Variants in XPR1 observed in about 807,000 individuals in gnomAD.
XPR1 encodes xenotropic and polytropic retrovirus receptor 1, also known as solute carrier family 53 member 1.
Under a neutral mutation model 87.5 loss-of-function variants are expected in XPR1, and 28 were observed. The observed-to-expected ratio is 0.32, with a 90% CI of 0.24 to 0.44. The LOEUF (loss-of-function observed/expected upper bound fraction) is 0.44. XPR1 is among the 20% of genes least tolerant of loss of function. The probability of loss-of-function intolerance (pLI) is 1.00; values close to 1 mark genes in which losing one functional copy is unlikely to be tolerated. For synonymous variants in XPR1, 300 were observed against 306.1 expected, an observed-to-expected ratio of 0.98 and a Z score of 0.21; for missense variants, 559 against 862.3, an observed-to-expected ratio of 0.65 and a Z score of 4.41.
intron 2 of XPR1, among the ~76,000 whole-genome samples, chr1:180,721,976 C>T (rs958702502): frequency 7.9e-5 from 12 of 151,926 alleles, no homozygotes; most frequent in Non-Finnish European, 8.8e-5. Flanking sequence ...AAAAGATGTA[C>T]GTAAGGCCAG....
At chr1:180,766,616 A>G (rs1415071929) in intron 2 of XPR1, among the ~76,000 whole-genome samples, 2 of 152,178 alleles carry the variant, frequency 1.3e-5, no homozygotes, top group Non-Finnish European at 2.9e-5. Flanking sequence ...CCTTTTGTGA[A>G]ATTGTAATTT....
At chr1:180,712,549 T>G (rs895469143) in intron 2 of XPR1, among the ~76,000 whole-genome samples, 2 of 152,218 alleles carry the variant, frequency 1.3e-5, no homozygotes, top group Admixed American at 6.5e-5. Context: ...GGCTCATGCC[T>G]GTAATCCCAG....
intron 11 of XPR1, among the ~76,000 whole-genome samples, chr1:180,854,333 C>G (rs1255102159): frequency 6.6e-6 from 1 of 152,200 alleles, no homozygotes; most frequent in African/African-American, 2.4e-5. Context: ...GGGGTTAGCT[C>G]CGCATACATA....
intron 11 of XPR1, among the ~76,000 whole-genome samples, chr1:180,856,806 C>T (rs1166868417): frequency 6.6e-6 from 1 of 152,192 alleles, no homozygotes; most frequent in African/African-American, 2.4e-5. Flanking sequence ...GGGCTGTTGC[C>T]ACAGCCATAT....
intron 1 of XPR1, among the ~76,000 whole-genome samples, chr1:180,680,429 G>A (rs571667590): frequency 9.2e-5 from 13 of 141,420 alleles, no homozygotes; most frequent in African/African-American, 3.4e-4. Context: ...GCAGTGGTGC[G>A]ATCTTGGGTC....
chr1:180,724,833 T>C (rs1658282763), intron 2 of XPR1, among the ~76,000 whole-genome samples: 2 of 152,200 alleles, frequency 1.3e-5, no homozygotes, highest in African/African-American at 4.8e-5. Flanking sequence ...TTAATATTAA[T>C]TTGTAAATAT....
chr1:180,860,649 G>C (rs1419735517), intron 11 of XPR1, among the ~76,000 whole-genome samples: 1 of 152,018 alleles, frequency 6.6e-6, no homozygotes, highest in Admixed American at 6.6e-5. Flanking sequence ...GTCTCAAAAA[G>C]GCAAAACTAC....
rs756156713 is a variant in XPR1, at chr1:180,806,133, A to G, written c.519A>G (p.Ala173=). ...AGATCCTGGAAACATCTCGTGGAGC[A>G]GATTGGCGAGTGGCTCACGTAGAGG... ...HDKILETSRG[A]DWRVAHVEVA... The change falls in exon 5 of 15, where the codon GCA becomes GCG. Residue 173 remains alanine, a synonymous_variant. Transcript: ENST00000367590. 3.1e-6 allele frequency: 5 copies of G among 1,613,958 alleles called. No individual in the cohort carries two copies. In the South Asian group the frequency reaches 5.5e-5, roughly 18 times the overall value.
chr1:180,859,777 T>C (rs1359414793), intron 11 of XPR1, among the ~76,000 whole-genome samples: 1 of 152,148 alleles, frequency 6.6e-6, no homozygotes, highest in South Asian at 2.1e-4. Flanking sequence ...AGAAATGATA[T>C]GGACTTCTAA....
chr1:180,756,494 T>G (rs1571803859), intron 2 of XPR1, among the ~76,000 whole-genome samples: 1 of 152,222 alleles, frequency 6.6e-6, no homozygotes, highest in East Asian at 1.9e-4. Context: ...AGTCTTTATA[T>G]TATTGCATTA....
In XPR1 at chr1:180,890,172, G is replaced by A. The variant is rs1653145183; in HGVS notation, c.*6106G>A. 3 of 152,148 alleles carry A rather than the reference G, an allele frequency of 2.0e-5. No individual in the cohort carries two copies. Among genetic ancestry groups the A allele is most frequent in the Non-Finnish European group, 4.4e-5 (3 of 68,016 alleles). 9.4% of individuals were successfully genotyped at this position (152,148 alleles called of 1,614,324 possible). ...TAAAGCAAAAAGTTAATGTGGTTAT[G>A]TGTTTTTAAAGAAAATAAGTGATTG... On this transcript the variant is annotated 3_prime_UTR_variant, in exon 15 of 15. Transcript: ENST00000367590.
At chr1:180,638,891 C>CT (rs1225436843) in intron 1 of XPR1, among the ~76,000 whole-genome samples, 1 of 152,066 alleles carries the variant, frequency 6.6e-6, no homozygotes, top group African/African-American at 2.4e-5. Flanking sequence ...ACTTTTGTAA[C>CT]TTAAGTTATA....
At chr1:180,813,967 G>T (rs1650315648) in intron 7 of XPR1, among the ~76,000 whole-genome samples, 1 of 152,030 alleles carries the variant, frequency 6.6e-6, no homozygotes, top group Admixed American at 6.5e-5. Flanking sequence ...TCATAATAAT[G>T]CCCAAATAAG....
At chr1:180,706,528 A>T (rs2101977450) in intron 2 of XPR1, among the ~76,000 whole-genome samples, 1 of 152,334 alleles carries the variant, frequency 6.6e-6, no homozygotes, top group Non-Finnish European at 1.5e-5. Context: ...TCATGTGAAA[A>T]TTCACATAAC....
At chr1:180,833,722 A>G (rs1651161870) in intron 9 of XPR1, among the ~76,000 whole-genome samples, 1 of 152,230 alleles carries the variant, frequency 6.6e-6, no homozygotes, top group East Asian at 1.9e-4. Context: ...TTCAACAGAA[A>G]GTACAAATAT....
intron 2 of XPR1, among the ~76,000 whole-genome samples, chr1:180,686,067 A>T (rs1255589687): frequency 6.6e-6 from 1 of 151,828 alleles, no homozygotes; most frequent in Non-Finnish European, 1.5e-5. Context: ...TAGTTCTTTT[A>T]ATCGTGGTGT....
chr1:180,787,910 A>G, intron 3 of XPR1, 56 bp downstream of exon 3: 1 of 1,292,084 alleles, frequency 7.7e-7, no homozygotes, highest in African/African-American at 1.5e-5. Flanking sequence ...ATTGTACCAT[A>G]TCATTGTTTA....
intron 2 of XPR1, among the ~76,000 whole-genome samples, chr1:180,695,454 G>A (rs1397493903): frequency 1.4e-5 from 2 of 144,888 alleles, no homozygotes; most frequent in Middle Eastern, 3.3e-3. Context: ...GCGCGCGCAC[G>A]CGCGCGCTTT....
At chr1:180,844,729 G>A (rs572213853) in intron 11 of XPR1, among the ~76,000 whole-genome samples, 1 of 152,364 alleles carries the variant, frequency 6.6e-6, no homozygotes, top group South Asian at 2.1e-4. Flanking sequence ...CCTCACTGCA[G>A]GTTGGGTTTG....
Sources: allele counts gnomAD v4.1 joint callset (sites outside exome capture counted in the v4.1 genomes callset), GRCh38; gene constraint gnomAD v4.1.1; transcripts MANE v1.5; gene names NCBI Gene and HGNC (gene_info 2026-07-23, HGNC 2026-07-21).